The following FAM114A1 variants were observed in gnomAD, a reference collection of about 807,000 sequenced individuals.
The protein encoded by FAM114A1 is family with sequence similarity 114 member A1.
A neutral mutation model predicts 64.3 loss-of-function variants in FAM114A1; 62 were observed. The ratio of observed to expected loss-of-function variants is 0.96; its 90% CI spans 0.79 to 1.19. The LOEUF (loss-of-function observed/expected upper bound fraction) is 1.19. Ranked by LOEUF, FAM114A1 falls within the 50% of genes most tolerant of loss-of-function variation. The pLI is 0.00. For missense variants in FAM114A1, 645 were observed against 676.3 expected (o/e 0.95, Z 0.51); for synonymous variants, 254 against 251.1 (o/e 1.01, Z -0.11).
chr4:38,940,106 G>T (rs1181500095), intron 13 of FAM114A1, among the ~76,000 whole-genome samples: 1 of 152,014 alleles, frequency 6.6e-6, no homozygotes, highest in African/African-American at 2.4e-5. Flanking sequence ...GGCCGGGCTG[G>T]TCTCAAACTC....
intron 3 of FAM114A1, among the ~76,000 whole-genome samples, chr4:38,889,751 T>A (rs546279698): frequency 6.6e-6 from 1 of 152,340 alleles, no homozygotes; most frequent in East Asian, 1.9e-4. Context: ...GGCATTTGAA[T>A]CAGTTAGGAA....
At chr4:38,894,577 A>G (rs1464049462) in intron 4 of FAM114A1, among the ~76,000 whole-genome samples, 5 of 152,204 alleles carry the variant, frequency 3.3e-5, no homozygotes, top group Non-Finnish European at 2.9e-5. Context: ...CTGGAACCAA[A>G]TCTGCACGTA....
intron 8 of FAM114A1, among the ~76,000 whole-genome samples, chr4:38,920,589 A>G (rs1430062750): frequency 1.3e-5 from 2 of 152,248 alleles, no homozygotes; most frequent in East Asian, 1.9e-4. Flanking sequence ...GAAAACCCCA[A>G]TGCTCTCCCT....
At chr4:38,923,484 G>C (rs973678150) in intron 9 of FAM114A1, among the ~76,000 whole-genome samples, 1 of 152,044 alleles carries the variant, frequency 6.6e-6, no homozygotes, top group Non-Finnish European at 1.5e-5. Flanking sequence ...GCCTCCCAAA[G>C]TGCTGGGATT....
intron 10 of FAM114A1, 120 bp downstream of exon 10, chr4:38,929,453 T>G: frequency 1.3e-6 from 1 of 746,988 alleles, no homozygotes; most frequent in Non-Finnish European, 2.2e-6. Flanking sequence ...TGTGGCATAG[T>G]GCCGGGAGAG....
At chr4:38,885,002 G>T (rs1190436396) in intron 3 of FAM114A1, among the ~76,000 whole-genome samples, 1 of 152,028 alleles carries the variant, frequency 6.6e-6, no homozygotes, top group Non-Finnish European at 1.5e-5. Context: ...TTGAGATAGG[G>T]TCTCCCTCTA....
chr4:38,872,175 T>A (rs1472719), intron 2 of FAM114A1, among the ~76,000 whole-genome samples: 45,257 of 152,096 alleles, frequency 0.3, 7,590 homozygotes, highest in African/African-American at 0.38. Flanking sequence ...AAAGAGGTGG[T>A]CACCTCATTA....
rs1714586056 is a variant in FAM114A1 at position 38,876,082 on chromosome 4, T to C, written c.-8-1989T>C. On this transcript the variant is annotated intron_variant, in intron 2 of 14. Coordinates refer to ENST00000358869, the MANE Select transcript of FAM114A1 (RefSeq NM_138389.4). ...GTGTGTATAGGTCTCTTTCTCACTG[T>C]GAATTTCTGACAAAGATGTTACAAA... 2.6e-5 allele frequency among the ~76,000 whole-genome samples: 4 copies of C among 152,074 alleles called. No homozygotes were observed. In the South Asian group the frequency reaches 8.3e-4, roughly 32 times the overall value.
At chr4:38,925,111 T>C (rs995627054) in intron 9 of FAM114A1, among the ~76,000 whole-genome samples, 2 of 152,198 alleles carry the variant, frequency 1.3e-5, no homozygotes, top group Non-Finnish European at 2.9e-5. Context: ...TAAATACACA[T>C]TCACATATAC....
At chr4:38,902,197 T>C (rs990411068) in intron 4 of FAM114A1, among the ~76,000 whole-genome samples, 6 of 152,198 alleles carry the variant, frequency 3.9e-5, no homozygotes, top group South Asian at 2.1e-4. Context: ...CAGGTCTCAG[T>C]TTTCTCAGTT....
intron 2 of FAM114A1, among the ~76,000 whole-genome samples, chr4:38,869,613 A>G (rs950790362): frequency 1.3e-5 from 2 of 152,166 alleles, no homozygotes; most frequent in African/African-American, 4.8e-5. Context: ...CTGGGTACGT[A>G]GACTTGTCAA....
intron 2 of FAM114A1, among the ~76,000 whole-genome samples, chr4:38,871,006 A>G (rs951435536): frequency 6.6e-6 from 1 of 152,024 alleles, no homozygotes; most frequent in Non-Finnish European, 1.5e-5. Flanking sequence ...TGTAACAAGT[A>G]GAGATAAATA....
intron 9 of FAM114A1, among the ~76,000 whole-genome samples, chr4:38,925,931 C>A (rs1056831212): frequency 4.6e-5 from 7 of 152,052 alleles, no homozygotes; most frequent in Admixed American, 4.6e-4. Flanking sequence ...ATTAATACAC[C>A]TTTAAAAGCT....
chr4:38,908,598 A>T lies in FAM114A1; in HGVS notation c.664A>T (p.Ser222Cys). The T allele has an allele frequency of 6.2e-7, 1 of 1,611,034 alleles. No individual in the cohort carries two copies. Among genetic ancestry groups the T allele is most frequent in the East Asian group, 2.2e-5 (1 of 44,856 alleles). The change falls in exon 7 of 15, where the codon AGT becomes TGT. Residue 222 changes from serine to cysteine, a missense_variant. Physicochemically the swap from Ser to Cys is moderately radical, Grantham distance 112 (BLOSUM62 -1). Transcript: ENST00000358869. ...ITNVVQNTGK[S>C]VLTGGLDALE... ...GCAGTTATCTCATCTGCAGGGTAAA[A>T]GTGTCTTAACTGGAGGCCTTGATGC...
At chr4:38,940,544 T>C (rs936162323) in intron 13 of FAM114A1, among the ~76,000 whole-genome samples, 40 of 152,156 alleles carry the variant, frequency 2.6e-4, no homozygotes, top group African/African-American at 8.4e-4. Flanking sequence ...TGCCAAAATA[T>C]TATGATCATC....
intron 3 of FAM114A1, among the ~76,000 whole-genome samples, chr4:38,881,808 T>C (rs903696352): frequency 6.6e-6 from 1 of 152,144 alleles, no homozygotes; most frequent in East Asian, 1.9e-4. Context: ...TTTGCACTGA[T>C]GAAAACAACT....
chr4:38,911,661 T>C (rs965382258), intron 7 of FAM114A1, among the ~76,000 whole-genome samples: 2 of 152,118 alleles, frequency 1.3e-5, no homozygotes, highest in Non-Finnish European at 2.9e-5. Flanking sequence ...CAGGGATGGC[T>C]CCAAGGTCTT....
rs752992532 is a variant in FAM114A1, at chr4:38,931,633, CT to C, written c.1323+22del. On this transcript the variant is annotated intron_variant, in intron 11 of 14. Transcript: ENST00000358869. ...TAGAGGTAAATTCATTCTAGATTGT[CT>C]GCCTACAAGGTAATAAGAGTGTGTT... 23 of 1,603,916 alleles carry C rather than the reference CT, an allele frequency of 1.4e-5. No individual in the cohort carries two copies. The South Asian group carries it at 2.0e-4, about 14-fold the overall frequency.
At chr4:38,899,658 C>G (rs1396133849) in intron 4 of FAM114A1, among the ~76,000 whole-genome samples, 1 of 152,136 alleles carries the variant, frequency 6.6e-6, no homozygotes, top group Non-Finnish European at 1.5e-5. Context: ...GAACTGTTAT[C>G]TTTAGAAGGA....
Sources: gnomAD v4.1 joint callset for allele counts (sites outside exome capture counted in the v4.1 genomes callset) on GRCh38, gnomAD v4.1.1 for gene constraint, MANE v1.5 for transcripts, NCBI Gene and HGNC (gene_info 2026-07-23, HGNC 2026-07-21) for gene names.